CALN1: variants seen among roughly 807,000 people sequenced by gnomAD.
CALN1 encodes the protein calneuron 1.
CALN1 carries 17 observed loss-of-function variants against 30.6 expected under a neutral mutation model. The ratio of observed to expected loss-of-function variants is 0.56; its 90% CI spans 0.38 to 0.83. The LOEUF is 0.83. Ranked by LOEUF, CALN1 falls within the 40% of genes least tolerant of loss-of-function variation. The pLI is 0.00. For synonymous variants in CALN1, 156 were observed against 131.4 expected, an observed-to-expected ratio of 1.19 and a Z score of -1.28; for missense variants, 291 against 354.9, an observed-to-expected ratio of 0.82 and a Z score of 1.45.
rs1328263911 is a variant in CALN1 at position 72,011,252 on chromosome 7, A to G, written c.501+12405T>C. On this transcript the variant is annotated intron_variant, in intron 5 of 6. Transcript: ENST00000395275. Reference sequence around the variant, plus strand: ...AAAAAAAACAAAAACAAAAAACCAGACAGCAGTACCTCCACAAGACAGTAT... The same window carrying G: ...AAAAAAAACAAAAACAAAAAACCAGGCAGCAGTACCTCCACAAGACAGTAT... Among the ~76,000 whole-genome samples the G allele has an allele frequency of 2.0e-5, 3 of 152,220 alleles. No individual in the cohort carries two copies. The East Asian group carries it at 5.8e-4, about 29-fold the overall frequency.
chr7:72,274,503 CAAA>C (rs397889197), intron 3 of CALN1, among the ~76,000 whole-genome samples: 9 of 101,232 alleles, frequency 8.9e-5, no homozygotes, highest in Admixed American at 2.0e-4. Flanking sequence ...GAGACTGTCT[CAAA>C]AAAAAAAAAA....
chr7:72,477,940 A>G, the CALN1 span, among the ~76,000 whole-genome samples: 1 of 152,300 alleles, frequency 6.6e-6, no homozygotes, highest in Non-Finnish European at 1.5e-5. Flanking sequence ...TTACATTCGT[A>G]TCACGCTTTT....
intron 2 of CALN1, among the ~76,000 whole-genome samples, chr7:72,335,541 C>A (rs1318461582): frequency 6.6e-6 from 1 of 152,180 alleles, no homozygotes; most frequent in Non-Finnish European, 1.5e-5. Context: ...CCCAGCCACA[C>A]ACAGCCGGCG....
intron 3 of CALN1, among the ~76,000 whole-genome samples, chr7:72,138,363 C>A (rs924430618): frequency 1.3e-5 from 2 of 152,042 alleles, no homozygotes; most frequent in African/African-American, 4.8e-5. Context: ...ATGAAACCAA[C>A]AATGAGTAAA....
At chr7:72,425,449 A>G (rs1377903132) in intron 1 of CALN1, among the ~76,000 whole-genome samples, 2 of 152,154 alleles carry the variant, frequency 1.3e-5, no homozygotes, top group East Asian at 3.9e-4. Context: ...CTCCATCCCC[A>G]TGTGCCCATG....
At chr7:71,905,431 A>G (rs78618406) in intron 5 of CALN1, among the ~76,000 whole-genome samples, 3,969 of 151,056 alleles carry the variant, frequency 0.026, 168 homozygotes, top group African/African-American at 0.091. Flanking sequence ...TAAAGTCTCT[A>G]AAGTCCATTA....
chr7:72,013,518 T>C (rs1029974840), intron 5 of CALN1, among the ~76,000 whole-genome samples: 19 of 152,182 alleles, frequency 1.2e-4, no homozygotes, highest in Admixed American at 5.2e-4. Flanking sequence ...TCCCAACGTG[T>C]TGGAATTACA....
chr7:72,232,141 A>C (rs4082964), intron 3 of CALN1, among the ~76,000 whole-genome samples: 81,816 of 151,996 alleles, frequency 0.54, 22,250 homozygotes, highest in South Asian at 0.65. Context: ...AGGGGTCAGA[A>C]GAAACTGCCT....
chr7:72,066,259 TA>T (rs1426455906), intron 4 of CALN1, among the ~76,000 whole-genome samples: 1 of 152,216 alleles, frequency 6.6e-6, no homozygotes, highest in Admixed American at 6.5e-5. Context: ...GAAGCACTGC[TA>T]AAACTTTTCA....
chr7:71,892,402 C>T (rs141286835), intron 5 of CALN1, among the ~76,000 whole-genome samples: 279 of 152,164 alleles, frequency 1.8e-3, no homozygotes, highest in Middle Eastern at 3.4e-3. Flanking sequence ...TTTGGGAGGC[C>T]GAGGTGGGCG....
Position 72,373,195 on chromosome 7 carries a change from G to A in CALN1, c.119+30056C>T, listed in dbSNP as rs191937882. The stretch of plus-strand genomic sequence containing the variant: ...GTGAACATAGACCTATACAAATCAC[G>A]CAATCTGAACAACACAGGAAAAAAA... On this transcript the variant is annotated intron_variant, in intron 2 of 6. Transcript: ENST00000395275. 6.8e-3 allele frequency among the ~76,000 whole-genome samples: 1,039 copies of A among 152,098 alleles called. 12 individuals are homozygous for A. The highest frequency in any genetic ancestry group is 0.034 in the Middle Eastern group (10 of 294).
At chr7:71,887,260 A>G (rs914247280) in intron 5 of CALN1, among the ~76,000 whole-genome samples, 4 of 152,146 alleles carry the variant, frequency 2.6e-5, no homozygotes, top group African/African-American at 7.2e-5. Context: ...TGCACCAGGC[A>G]CACACCACGG....
rs1798139710 is a variant in CALN1 at position 71,977,144 on chromosome 7, A to C, written c.501+46513T>G. ...TAGAACTGATTTTGGTCAAAAACCA[A>C]AATCAATTCTAGTGCATTGGGCACC... On this transcript the variant is annotated intron_variant, in intron 5 of 6. Coordinates refer to ENST00000395275, the MANE Select transcript of CALN1 (RefSeq NM_031468.4). Among the ~76,000 whole-genome samples, 4 of 152,202 alleles carry C rather than the reference A, an allele frequency of 2.6e-5. No individual in the cohort carries two copies. In the South Asian group the frequency reaches 8.3e-4, roughly 32 times the overall value.
At chr7:72,070,399 A>G (rs1804309261) in intron 4 of CALN1, among the ~76,000 whole-genome samples, 3 of 152,206 alleles carry the variant, frequency 2.0e-5, no homozygotes, top group Admixed American at 1.3e-4. Context: ...CAGGTCCATG[A>G]GGCTCTGCCT....
chr7:72,289,266 G>A (rs572904320), intron 2 of CALN1, among the ~76,000 whole-genome samples: 46 of 152,204 alleles, frequency 3.0e-4, no homozygotes, highest in African/African-American at 9.1e-4. Flanking sequence ...TTAGATGTAC[G>A]TTGGACCTCT....
intron 2 of CALN1, among the ~76,000 whole-genome samples, chr7:72,350,614 A>G (rs1802870537): frequency 6.6e-6 from 1 of 152,140 alleles, no homozygotes. Context: ...AACAACAGAC[A>G]CCAGGGCCTA....
At chr7:71,880,794 G>A (rs1462112485) in intron 5 of CALN1, among the ~76,000 whole-genome samples, 1 of 152,124 alleles carries the variant, frequency 6.6e-6, no homozygotes, top group Non-Finnish European at 1.5e-5. Context: ...AGTTGCTCCA[G>A]TTACTTGCTA....
chr7:72,397,085 T>C (rs559818877), intron 2 of CALN1, among the ~76,000 whole-genome samples: 7 of 152,144 alleles, frequency 4.6e-5, no homozygotes, highest in African/African-American at 1.2e-4. Context: ...TAATTTTTTT[T>C]AGTTTTGCAG....
chr7:72,311,862 C>G (rs934838673), intron 2 of CALN1, among the ~76,000 whole-genome samples: 3 of 151,670 alleles, frequency 2.0e-5, no homozygotes, highest in Non-Finnish European at 4.4e-5. Context: ...CAACAAGGCT[C>G]AGACTTTGAA....
Sources: allele counts gnomAD v4.1 joint callset (sites outside exome capture counted in the v4.1 genomes callset), GRCh38; gene constraint gnomAD v4.1.1; transcripts MANE v1.5; gene names NCBI Gene and HGNC (gene_info 2026-07-23, HGNC 2026-07-21).